DNAH10: variants seen among roughly 807,000 people sequenced by gnomAD.
DNAH10 encodes the protein dynein axonemal heavy chain 10, also known as axonemal beta dynein heavy chain 10.
DNAH10 carries 348 observed loss-of-function variants against 506.6 expected under a neutral mutation model. The ratio of observed to expected loss-of-function variants is 0.69; its 90% CI spans 0.63 to 0.75. The LOEUF (loss-of-function observed/expected upper bound fraction) is 0.75, where lower values mean the gene tolerates loss of function less well. DNAH10 is among the 30% of genes least tolerant of loss of function. DNAH10 has a pLI of 0.00. For synonymous variants in DNAH10, 2,059 were observed against 2,198.6 expected (o/e 0.94, Z 1.78); for missense variants, 5,179 against 5,787.1 (o/e 0.89, Z 3.41).
chr12:123,846,067 C>A lies in DNAH10; in HGVS notation c.5727C>A (p.Thr1909=). 6.2e-7 allele frequency: 1 copy of A among 1,614,036 alleles called. No individual in the cohort carries two copies. Among genetic ancestry groups the A allele is most frequent in the East Asian group, 2.2e-5 (1 of 44,888 alleles). Residue 1909 remains threonine, a synonymous_variant, in exon 32 of 79, where the codon ACC becomes ACA. Transcript: ENST00000673944. The surrounding 1 kb of genome is among the most constrained non-coding windows in gnomAD (Gnocchi z 4.5). ...TGAACATCCGCCAGTGCACGGGAACCTTTGGCTACGGCTACGAGTACATGG... is the reference window on the plus strand; with the variant it reads ...TGAACATCCGCCAGTGCACGGGAACATTTGGCTACGGCTACGAGTACATGG... ...DELNIRQCTG[T]FGYGYEYMGL... is the part of the protein sequence containing the mutation.
chr12:123,796,705 T>C lies in DNAH10; in HGVS notation c.2036T>C (p.Leu679Pro). ...IFVQNLENPPLYKNHPPVAGA... is the reference protein window; with the variant it reads ...IFVQNLENPPPYKNHPPVAGA... ...GTCCAGAACCTTGAAAATCCACCAC[T>C]GTATAAGAATCACCCTCCAGTAGCA... The change falls in exon 13 of 79, where the codon CTG becomes CCG. Residue 679 changes from leucine to proline, a missense_variant. Leu to Pro is a moderately conservative substitution (Grantham distance 98). Transcript: ENST00000673944. 1 of 1,613,538 alleles carries C rather than the reference T, an allele frequency of 6.2e-7. No homozygotes were observed. The highest frequency in any genetic ancestry group is 1.1e-5 in the South Asian group (1 of 90,792).
chr12:123,863,906 T>C (rs571279322), intron 39 of DNAH10, among the ~76,000 whole-genome samples: 9 of 152,298 alleles, frequency 5.9e-5, no homozygotes, highest in African/African-American at 2.2e-4. Flanking sequence ...TAAATAGCAA[T>C]TGATACTCAG....
rs759960291 is a variant in DNAH10 at position 123,935,485 on chromosome 12, T to C, written c.*4T>C. 3.8e-6 allele frequency: 6 copies of C among 1,576,192 alleles called. No individual in the cohort carries two copies. The East Asian group carries it at 6.8e-5, about 18-fold the overall frequency. On this transcript the variant is annotated 3_prime_UTR_variant, in exon 79 of 79. Coordinates refer to ENST00000673944, the MANE Select transcript of DNAH10 (RefSeq NM_001372106.1). ...CCTCACCCTGAATTCTGATTAACCT[T>C]TGGGTGAAGAAAACTGCTTAATGAA... is the stretch of plus-strand genomic sequence containing the variant.
chr12:123,796,603 T>A, intron 12 of DNAH10, 53 bp from the exon 13 acceptor site: 1 of 1,495,836 alleles, frequency 6.7e-7, no homozygotes, highest in East Asian at 2.3e-5. Context: ...TCATCTTTCT[T>A]GGCTAACCTG....
At position 123,819,045 on chromosome 12, in the gene DNAH10, C is replaced by T; in HGVS notation, c.3876C>T (p.Asp1292=). 6.2e-7 allele frequency: 1 copy of T among 1,604,018 alleles called. No individual in the cohort carries two copies. The highest frequency in any genetic ancestry group is 1.3e-5 in the African/African-American group (1 of 74,948). ...TGAATGTGGAGCATGCTCTTGGGGACATAAAGAGAACTTTCACAGAGGTAC... is the reference window on the plus strand; with the variant it reads ...TGAATGTGGAGCATGCTCTTGGGGATATAAAGAGAACTTTCACAGAGGTAC... ...DSVNVEHALG[D]IKRTFTELTR... Residue 1292 remains aspartate, a synonymous_variant, in exon 22 of 79, where the codon GAC becomes GAT. Coordinates refer to ENST00000673944, the MANE Select transcript of DNAH10 (RefSeq NM_001372106.1).
At position 123,868,013 on chromosome 12, in the gene DNAH10, C is replaced by T. The variant is rs570603467; in HGVS notation, c.7413C>T (p.Ser2471=). Residue 2471 remains serine (S), a synonymous_variant, in exon 43 of 79, where the codon TCC becomes TCT. Coordinates refer to ENST00000673944, the MANE Select transcript of DNAH10 (RefSeq NM_001372106.1). ...LEALYCSLGA[S]LLEDGRMKFD... The stretch of plus-strand genomic sequence containing the variant: ...CTTTGTACTGCTCTCTGGGAGCCTC[C>T]CTGCTTGAGGATGGAAGGATGAAAT... The T allele has an allele frequency of 4.3e-6, 7 of 1,613,872 alleles. No individual in the cohort carries two copies. The South Asian group carries it at 5.5e-5, about 13-fold the overall frequency.
intron 24 of DNAH10, among the ~76,000 whole-genome samples, chr12:123,824,935 A>G (rs527816476): frequency 1.3e-3 from 200 of 152,216 alleles, no homozygotes; most frequent in Admixed American, 2.4e-3. Flanking sequence ...GGGGGACGCT[A>G]TTCAGCCCGG....
At chr12:123,889,393 G>C (rs1205682827) in intron 52 of DNAH10, among the ~76,000 whole-genome samples, 1 of 152,186 alleles carries the variant, frequency 6.6e-6, no homozygotes, top group African/African-American at 2.4e-5. Flanking sequence ...CTCCTTGAGA[G>C]GGGGGATCGG....
chr12:123,835,674 G>C lies in DNAH10; in HGVS notation c.4902+146G>C, dbSNP rs1001185617. 2.4e-6 allele frequency: 3 copies of C among 1,236,016 alleles called. No homozygotes were observed. The African/African-American group carries it at 4.6e-5, about 19-fold the overall frequency. 76.6% of individuals were successfully genotyped at this position (1,236,016 alleles called of 1,614,324 possible). A position where few individuals can be genotyped will look rare whatever the true frequency, so the allele number is the denominator to read the frequency against. On this transcript the variant is annotated intron_variant, in intron 28 of 78. Transcript: ENST00000673944. ...GGGTTTTGCTCTGTTGCCCAGGCTG[G>C]AGTGCAGTGATGTGATCGTGGCTCC... is the stretch of plus-strand genomic sequence containing the variant.
At position 123,875,395 on chromosome 12, in the gene DNAH10, A is replaced by C. The variant is rs1307904110; in HGVS notation, c.8103A>C (p.Pro2701=). 6.2e-7 allele frequency: 1 copy of C among 1,614,018 alleles called. No individual in the cohort carries two copies. The highest frequency in any genetic ancestry group is 2.2e-5 in the East Asian group (1 of 44,880). ...GAGGAGGCCGCAATGAAGTTGACCC[A>C]AGATTTATTTCGCTATTCAGTGTCT... ...KAGGGRNEVD[P]RFISLFSVFN... The change falls in exon 47 of 79, where the codon CCA becomes CCC. Residue 2701 remains proline (P), a synonymous_variant. Coordinates refer to ENST00000673944, the MANE Select transcript of DNAH10 (RefSeq NM_001372106.1).
At chr12:123,768,605 C>T (rs1205784184) in intron 2 of DNAH10, among the ~76,000 whole-genome samples, 1 of 150,254 alleles carries the variant, frequency 6.7e-6, no homozygotes, top group Non-Finnish European at 1.5e-5. Flanking sequence ...TAGTATGTAA[C>T]ATACAAACAC....
At position 123,930,429 on chromosome 12, in the gene DNAH10, A is replaced by AGCTTTGATCGCC; in HGVS notation, c.12643_12654dup (p.Phe4215_Arg4218dup). On this transcript the variant is annotated inframe_insertion, in exon 73 of 79. Transcript: ENST00000673944. Reference sequence around the variant, plus strand: ...CATGTATGGAGGACGGGCCATCGACAGCTTTGATCGCCGCATCCTGACCAT... The same window carrying AGCTTTGATCGCC: ...CATGTATGGAGGACGGGCCATCGACAGCTTTGATCGCCGCTTTGATCGCCGCATCCTGACCAT... 1 of 1,589,972 alleles carries AGCTTTGATCGCC rather than the reference A, an allele frequency of 6.3e-7. No homozygotes were observed. The highest frequency in any genetic ancestry group is 8.5e-7 in the Non-Finnish European group (1 of 1,171,620).
intron 70 of DNAH10, chr12:123,929,015 T>A: frequency 1.8e-6 from 1 of 557,818 alleles, no homozygotes; most frequent in Non-Finnish European, 3.2e-6. Flanking sequence ...GAGGGAAGAC[T>A]TTACTTTCAT....
At chr12:123,764,842 ACT>A (rs1395213655) in intron 1 of DNAH10, among the ~76,000 whole-genome samples, 1 of 151,754 alleles carries the variant, frequency 6.6e-6, no homozygotes, top group African/African-American at 2.4e-5. Flanking sequence ...GTCTCTGGAA[ACT>A]CTCAAAGCTG....
chr12:123,870,558 A>G, intron 44 of DNAH10, 73 bp downstream of exon 44: 2 of 1,538,928 alleles, frequency 1.3e-6, no homozygotes, highest in Non-Finnish European at 8.7e-7. Context: ...GGCAAAGAAG[A>G]TCCCATGGCT....
Position 123,928,379 on chromosome 12 carries a change from C to T in DNAH10, c.12106-8C>T, listed in dbSNP as rs560142317. 3.5e-5 allele frequency: 56 copies of T among 1,581,592 alleles called. No homozygotes were observed. The East Asian group carries it at 4.2e-4, about 12-fold the overall frequency. ...AACCCCTCTCCTCTTCCCTCTCCCC[C>T]GGCGCAGGTGGCCCTGCAGCTGCTG... On this transcript the variant is annotated splice_polypyrimidine_tract_variant and splice_region_variant and intron_variant, in intron 69 of 78. Coordinates refer to ENST00000673944, the MANE Select transcript of DNAH10 (RefSeq NM_001372106.1). This position sits in a 1 kb window ranked among gnomAD's most constrained non-coding sequence, Gnocchi z 4.9.
In DNAH10 at chr12:123,879,766, A is replaced by G. The variant is rs1403328892; in HGVS notation, c.8599A>G (p.Ile2867Val). 6.2e-7 allele frequency: 1 copy of G among 1,613,930 alleles called. No individual in the cohort carries two copies. The highest frequency in any genetic ancestry group is 8.5e-7 in the Non-Finnish European group (1 of 1,179,902). The change falls in exon 50 of 79, where the codon ATC becomes GTC. Residue 2867 changes from isoleucine (I) to valine (V), a missense_variant. Around this residue, in one of 3 missense-constraint regions of DNAH10, gnomAD observed 4,844 missense variants for 5,430.5 expected, o/e 0.89. Transcript: ENST00000673944. ...HEGEPRIYED[I>V]QDYEAAKALF... ...AGGAGAACCACGCATTTATGAAGAC[A>G]TCCAGGACTACGAGGCGGCCAAGGC...
At chr12:123,847,314 A>ATCTC in intron 32 of DNAH10, among the ~76,000 whole-genome samples, 1 of 130,952 alleles carries the variant, frequency 7.6e-6, no homozygotes, top group South Asian at 2.2e-4. Context: ...TATTTTATCT[A>ATCTC]TCTATCTATC....
In DNAH10 at chr12:123,787,293, G is replaced by T. The variant is rs1488389716; in HGVS notation, c.1422-511G>T. 6.6e-6 allele frequency among the ~76,000 whole-genome samples: 1 copy of T among 151,706 alleles called. No individual in the cohort carries two copies. On this transcript the variant is annotated intron_variant, in intron 9 of 78. Transcript: ENST00000673944. The surrounding 1 kb of genome is among the most constrained non-coding windows in gnomAD (Gnocchi z 4.6). ...CTATCTATGTATATGTATTTATATA[G>T]ATAGCATATAAATGGAATCAGACAC... is the stretch of plus-strand genomic sequence containing the variant.
Sources: gnomAD v4.1 joint callset for allele counts (sites outside exome capture counted in the v4.1 genomes callset) on GRCh38, gnomAD v4.1.1 for gene constraint, gnomAD v4.1.1 regional missense constraint, Gnocchi (gnomAD v3.1) non-coding constraint, MANE v1.5 for transcripts, NCBI Gene and HGNC (gene_info 2026-07-23, HGNC 2026-07-21) for gene names.